AFF1: variants seen among roughly 807,000 people sequenced by gnomAD.
AFF1 encodes AF4/FMR2 family member 1.
In AFF1, 48 loss-of-function variants were observed where a neutral mutation model predicts 121.7. The ratio of observed to expected loss-of-function variants is 0.39; its 90% CI spans 0.31 to 0.50. The LOEUF (loss-of-function observed/expected upper bound fraction) is 0.50. AFF1 is among the 20% of genes least tolerant of loss of function. AFF1 has a pLI of 0.76. For missense variants in AFF1, 1,523 were observed against 1,511.7 expected (o/e 1.01, Z -0.12); for synonymous variants, 613 against 563.0 (o/e 1.09, Z -1.26).
intron 2 of AFF1, among the ~76,000 whole-genome samples, chr4:86,953,325 C>A (rs1171831587): frequency 4.0e-5 from 6 of 151,850 alleles, no homozygotes; most frequent in African/African-American, 1.5e-4. Context: ...TTTTATTTGC[C>A]CAGAAAAAAA....
chr4:86,955,197 AT>A (rs1172983991), intron 2 of AFF1, among the ~76,000 whole-genome samples: 1 of 152,240 alleles, frequency 6.6e-6, no homozygotes, highest in African/African-American at 2.4e-5. Context: ...GGAAAAACCA[AT>A]AAGCATTATT....
chr4:87,131,306 G>A (rs190452115), intron 17 of AFF1, 87 bp downstream of exon 17: 170 of 1,524,006 alleles, frequency 1.1e-4, no homozygotes, highest in Admixed American at 7.1e-4. Flanking sequence ...TTAGTGTGAA[G>A]ATGGCTCAAT....
chr4:86,961,335 A>G (rs571318762), intron 2 of AFF1, among the ~76,000 whole-genome samples: 1 of 152,160 alleles, frequency 6.6e-6, no homozygotes, highest in Admixed American at 6.5e-5. Context: ...CCGAACCCTC[A>G]AGTCCCTGTT....
At chr4:86,942,507 CTGTT>C (rs976719444) in intron 1 of AFF1, among the ~76,000 whole-genome samples, 2 of 152,178 alleles carry the variant, frequency 1.3e-5, no homozygotes, top group Admixed American at 1.3e-4. Flanking sequence ...GTAGCCATTC[CTGTT>C]TGTTCTTGTT....
chr4:86,982,187 G>A (rs1306246466), intron 2 of AFF1, among the ~76,000 whole-genome samples: 3 of 152,112 alleles, frequency 2.0e-5, no homozygotes, highest in African/African-American at 7.2e-5. Context: ...CAGAGGAAGT[G>A]GTGCCTCACA....
At chr4:87,065,206 G>C (rs1048821202) in intron 4 of AFF1, among the ~76,000 whole-genome samples, 1 of 152,214 alleles carries the variant, frequency 6.6e-6, no homozygotes, top group Non-Finnish European at 1.5e-5. Context: ...CAGTCATGCG[G>C]AAGGCAAGGA....
intron 2 of AFF1, among the ~76,000 whole-genome samples, chr4:86,956,493 A>G (rs1443799930): frequency 6.6e-6 from 1 of 152,234 alleles, no homozygotes; most frequent in Non-Finnish European, 1.5e-5. Context: ...TTAAGTATAC[A>G]GTTTAATTTT....
intron 4 of AFF1, among the ~76,000 whole-genome samples, chr4:87,080,997 T>G (rs1462955425): frequency 1.3e-5 from 2 of 152,114 alleles, no homozygotes; most frequent in Non-Finnish European, 2.9e-5. Flanking sequence ...AAAGGGACAT[T>G]AACTCTCTAA....
chr4:87,110,829 A>G (rs1337980175), intron 11 of AFF1, among the ~76,000 whole-genome samples: 1 of 151,884 alleles, frequency 6.6e-6, no homozygotes, highest in Non-Finnish European at 1.5e-5. Context: ...CCTATTTCCA[A>G]TTTGCAGTAT....
chr4:87,056,849 T>C (rs1720193909), intron 4 of AFF1, among the ~76,000 whole-genome samples: 1 of 152,230 alleles, frequency 6.6e-6, no homozygotes, highest in Non-Finnish European at 1.5e-5. Flanking sequence ...TGAAAACTAT[T>C]CTAAATGCTT....
chr4:87,020,918 G>A lies in AFF1; in HGVS notation c.39-25248G>A, dbSNP rs1009028402. On this transcript the variant is annotated intron_variant, in intron 2 of 20. Transcript: ENST00000395146. Reference sequence around the variant, plus strand: ...TATAGGTGATATTTCTTAAAAAGATGTGTATCTTTTAATATATTCTGCATG... The same window carrying A: ...TATAGGTGATATTTCTTAAAAAGATATGTATCTTTTAATATATTCTGCATG... 4.0e-5 allele frequency: 33 copies of A among 816,682 alleles called. No homozygotes were observed. In the African/African-American group the frequency reaches 5.0e-4, roughly 12 times the overall value. 50.6% of individuals were successfully genotyped at this position (816,682 alleles called of 1,614,324 possible).
intron 2 of AFF1, among the ~76,000 whole-genome samples, chr4:87,008,341 G>C (rs1726383803): frequency 6.6e-6 from 1 of 152,202 alleles, no homozygotes; most frequent in Admixed American, 6.5e-5. Context: ...AGATCATGGA[G>C]AGAAATGGAT....
chr4:87,108,330 C>G lies in AFF1; in HGVS notation c.1533+15C>G, dbSNP rs3733377. 0.21 allele frequency: 330,199 copies of G among 1,609,532 alleles called. 36,102 individuals are homozygous for G. The highest frequency in any genetic ancestry group is 0.37 in the East Asian group (16,780 of 44,808). On this transcript the variant is annotated intron_variant, in intron 11 of 20. Transcript: ENST00000395146. ...CAGCTCCGGAGGTACCGTGTTCCCC[C>G]TCGAGATGGCCACCTTAGATGGCAG...
chr4:87,062,727 CACTT>C (rs756511200), intron 4 of AFF1, among the ~76,000 whole-genome samples: 3 of 141,970 alleles, frequency 2.1e-5, no homozygotes, highest in Non-Finnish European at 4.6e-5. Context: ...CAATATTAAT[CACTT>C]AGTTAGATAG....
chr4:86,991,082 G>T (rs1300182957), intron 2 of AFF1, among the ~76,000 whole-genome samples: 1 of 151,806 alleles, frequency 6.6e-6, no homozygotes, highest in East Asian at 1.9e-4. Flanking sequence ...AACCCAGGAG[G>T]TGGAGGTTGC....
chr4:87,004,443 T>G (rs1725941704), intron 2 of AFF1, among the ~76,000 whole-genome samples: 1 of 152,190 alleles, frequency 6.6e-6, no homozygotes, highest in Non-Finnish European at 1.5e-5. Context: ...AAAACTTTTA[T>G]AAAACCAATT....
intron 2 of AFF1, among the ~76,000 whole-genome samples, chr4:86,998,116 A>AC (rs1725373763): frequency 6.6e-6 from 1 of 150,872 alleles, no homozygotes; most frequent in Admixed American, 6.6e-5. Flanking sequence ...AAAAAAAAAA[A>AC]AAAAAAAAAA....
Position 87,137,820 on chromosome 4 carries a change from C to T in AFF1, c.*2119C>T, listed in dbSNP as rs1330986674. 1.3e-5 allele frequency: 3 copies of T among 231,774 alleles called. No individual in the cohort carries two copies. Among genetic ancestry groups the T allele is most frequent in the African/African-American group, 6.6e-5 (3 of 45,248 alleles). The allele number at this position is 231,774 out of a possible 1,614,324, so 14.4% of individuals were successfully genotyped here. The stretch of plus-strand genomic sequence containing the variant: ...TTCCTTACTCCCTTAGCCATCCCCT[C>T]CCCTTTTGTCCTATCATTCCCTAGA... On this transcript the variant is annotated 3_prime_UTR_variant, in exon 21 of 21. Coordinates refer to ENST00000395146, the MANE Select transcript of AFF1 (RefSeq NM_001166693.3).
rs68156863 is a variant in AFF1, at chr4:87,012,217, C to CTTTTTT, written c.39-33947_39-33946insTTTTTT. ...GTTAGCAAACTTCTCCATTTCATTTCTTGTTTTTTTTTTTTTTTGTATAAC... is the reference window on the plus strand; with the variant it reads ...GTTAGCAAACTTCTCCATTTCATTTCTTTTTTTTGTTTTTTTTTTTTTTTGTATAAC... On this transcript the variant is annotated intron_variant, in intron 2 of 20. Coordinates refer to ENST00000395146, the MANE Select transcript of AFF1 (RefSeq NM_001166693.3). 7.2e-3 allele frequency among the ~76,000 whole-genome samples: 833 copies of CTTTTTT among 114,918 alleles called. 8 individuals carry two copies. Among genetic ancestry groups the CTTTTTT allele is most frequent in the Middle Eastern group, 0.011 (2 of 188 alleles). 75.4% of individuals were successfully genotyped at this position (114,918 alleles called of 152,430 possible).
Sources: gnomAD v4.1 joint callset for allele counts (sites outside exome capture counted in the v4.1 genomes callset) on GRCh38, gnomAD v4.1.1 for gene constraint, MANE v1.5 for transcripts, NCBI Gene and HGNC (gene_info 2026-07-23, HGNC 2026-07-21) for gene names.